EBF1: variants seen among roughly 807,000 people sequenced by gnomAD.
EBF1 encodes the protein transcription factor COE1.
EBF1 carries 10 observed loss-of-function variants against 68.4 expected under a neutral mutation model. The observed-to-expected ratio is 0.15, with a 90% CI of 0.09 to 0.25. EBF1 has a LOEUF of 0.25. Ranked by LOEUF, EBF1 falls within the 10% of genes least tolerant of loss-of-function variation. EBF1 has a pLI of 1.00. For missense variants in EBF1, 509 were observed against 794.4 expected (o/e 0.64, Z 4.32); for synonymous variants, 298 against 299.8 (o/e 0.99, Z 0.06).
At position 158,930,443 on chromosome 5, in the gene EBF1, C is replaced by T. The variant is rs188302951; in HGVS notation, c.555-90333G>A. On this transcript the variant is annotated intron_variant, in intron 6 of 15. Transcript: ENST00000313708. ...CCTGGCCATCATGCGGCAGGTTCTG[C>T]GCCTCTGATCACACTGAGCTGCCCA... Among the ~76,000 whole-genome samples the T allele has an allele frequency of 3.9e-3, 590 of 152,212 alleles. 2 individuals carry two copies. The highest frequency in any genetic ancestry group is 0.013 in the African/African-American group (531 of 41,520).
At chr5:158,712,384 A>G (rs1759583905) in intron 13 of EBF1, 51 bp from the exon 14 acceptor site, 1 of 1,594,186 alleles carries the variant, frequency 6.3e-7, no homozygotes, top group South Asian at 1.1e-5. Flanking sequence ...AGATGGTGGC[A>G]ATCCTGGAAG....
At chr5:159,068,519 T>C (rs1777256665) in intron 6 of EBF1, among the ~76,000 whole-genome samples, 1 of 152,050 alleles carries the variant, frequency 6.6e-6, no homozygotes, top group African/African-American at 2.4e-5. Context: ...ATGAAGAAAA[T>C]TAGCTTGGTG....
chr5:158,811,443 A>G (rs1782646878), intron 8 of EBF1, among the ~76,000 whole-genome samples: 1 of 152,212 alleles, frequency 6.6e-6, no homozygotes, highest in African/African-American at 2.4e-5. Context: ...CCCCTGTGTC[A>G]ACTACTTGGA....
intron 4 of EBF1, among the ~76,000 whole-genome samples, chr5:159,095,020 T>C (rs998696459): frequency 2.0e-5 from 3 of 152,220 alleles, no homozygotes; most frequent in African/African-American, 7.2e-5. Flanking sequence ...TCACTCATGC[T>C]GCCTGGCTTC....
chr5:159,012,772 T>C (rs1561792003), intron 6 of EBF1, among the ~76,000 whole-genome samples: 1 of 152,220 alleles, frequency 6.6e-6, no homozygotes, highest in African/African-American at 2.4e-5. Flanking sequence ...GTGCTGGAAT[T>C]ATAAGCATAA....
At chr5:158,827,307 C>T (rs1195842170) in intron 7 of EBF1, among the ~76,000 whole-genome samples, 2 of 152,166 alleles carry the variant, frequency 1.3e-5, no homozygotes, top group African/African-American at 4.8e-5. Context: ...CTGCTCAACA[C>T]AAACGTACAA....
chr5:159,082,053 G>C (rs761262804), intron 5 of EBF1, among the ~76,000 whole-genome samples: 5 of 151,872 alleles, frequency 3.3e-5, no homozygotes, highest in Non-Finnish European at 4.4e-5. Context: ...CAGGCAGTGG[G>C]GTCACCTTTC....
intron 6 of EBF1, among the ~76,000 whole-genome samples, chr5:158,937,953 G>A (rs961184074): frequency 3.3e-5 from 5 of 152,058 alleles, no homozygotes; most frequent in Non-Finnish European, 7.4e-5. Context: ...GCTCCTCCAT[G>A]GCTCCTGGCT....
intron 15 of EBF1, among the ~76,000 whole-genome samples, chr5:158,705,999 TA>T (rs1415762154): frequency 6.6e-6 from 1 of 152,240 alleles, no homozygotes; most frequent in Non-Finnish European, 1.5e-5. Flanking sequence ...GATCATTATT[TA>T]AACCTATTAT....
intron 10 of EBF1, among the ~76,000 whole-genome samples, chr5:158,737,358 G>A (rs1421353561): frequency 7.6e-6 from 1 of 131,564 alleles, no homozygotes; most frequent in Non-Finnish European, 1.5e-5. Context: ...ATCTCGGCTC[G>A]CTGCAAACTC....
intron 6 of EBF1, among the ~76,000 whole-genome samples, chr5:159,054,677 G>T (rs1481940027): frequency 2.6e-5 from 4 of 152,178 alleles, no homozygotes; most frequent in Non-Finnish European, 2.9e-5. Context: ...AAACAAAGTG[G>T]ATATGCAGAA....
intron 6 of EBF1, among the ~76,000 whole-genome samples, chr5:159,028,176 C>T (rs1768066894): frequency 1.3e-5 from 2 of 152,112 alleles, no homozygotes; most frequent in African/African-American, 4.8e-5. Context: ...TGGGCTCATG[C>T]ACTAAAGGAA....
chr5:158,908,397 A>C (rs912005981), intron 6 of EBF1, among the ~76,000 whole-genome samples: 1 of 152,190 alleles, frequency 6.6e-6, no homozygotes, highest in Non-Finnish European at 1.5e-5. Context: ...AGGGGTGTCA[A>C]TAAGTTGTTA....
chr5:158,968,628 C>T (rs1384241013), intron 6 of EBF1, among the ~76,000 whole-genome samples: 1 of 152,130 alleles, frequency 6.6e-6, no homozygotes, highest in Non-Finnish European at 1.5e-5. Flanking sequence ...AAAACACATA[C>T]TTAAAAAATT....
At chr5:158,963,712 GCACC>G (rs1482914879) in intron 6 of EBF1, among the ~76,000 whole-genome samples, 1 of 152,092 alleles carries the variant, frequency 6.6e-6, no homozygotes, top group African/African-American at 2.4e-5. Context: ...ACATAAAAAG[GCACC>G]CATCCAGCTA....
At chr5:158,933,468 G>A (rs1040168242) in intron 6 of EBF1, among the ~76,000 whole-genome samples, 2 of 152,216 alleles carry the variant, frequency 1.3e-5, no homozygotes, top group East Asian at 1.9e-4. Flanking sequence ...GATTTATGTG[G>A]GCTTTGGAGA....
chr5:159,093,745 TA>T (rs1252642948), intron 4 of EBF1, among the ~76,000 whole-genome samples: 1 of 152,152 alleles, frequency 6.6e-6, no homozygotes. Flanking sequence ...TAGAGAGACT[TA>T]AAATAAAATT....
chr5:158,784,937 G>A (rs190110686), intron 9 of EBF1, among the ~76,000 whole-genome samples: 121 of 152,230 alleles, frequency 7.9e-4, no homozygotes, highest in Admixed American at 8.5e-4. Context: ...GCTCCTATGT[G>A]CTCTGTGGAG....
At chr5:158,840,162 G>GC in intron 6 of EBF1, 52 bp from the exon 7 acceptor site, 1 of 1,375,772 alleles carries the variant, frequency 7.3e-7, no homozygotes, top group East Asian at 2.3e-5. Flanking sequence ...GACACGGGAG[G>GC]GAAAAAAGAG....
Sources: gnomAD v4.1 joint callset for allele counts (sites outside exome capture counted in the v4.1 genomes callset) on GRCh38, gnomAD v4.1.1 for gene constraint, MANE v1.5 for transcripts, NCBI Gene and HGNC (gene_info 2026-07-23, HGNC 2026-07-21) for gene names.